GNB4: variants seen among roughly 807,000 people sequenced by gnomAD.
The protein encoded by GNB4 is G protein subunit beta 4, also known as guanine nucleotide-binding protein subunit beta-4.
A neutral mutation model predicts 45.2 loss-of-function variants in GNB4; 28 were observed. The observed-to-expected ratio is 0.62, with a 90% CI of 0.46 to 0.85. The LOEUF (loss-of-function observed/expected upper bound fraction) is 0.85. GNB4 is among the 40% of genes least tolerant of loss of function. The pLI is 0.00. For synonymous variants in GNB4, 132 were observed against 143.7 expected (o/e 0.92, Z 0.58); for missense variants, 321 against 425.4 (o/e 0.75, Z 2.16).
chr3:179,419,973 C>T (rs1714928227), intron 3 of GNB4, among the ~76,000 whole-genome samples: 1 of 151,742 alleles, frequency 6.6e-6, no homozygotes, highest in African/African-American at 2.4e-5. Context: ...AAATATTAGT[C>T]TTCTTGACCC....
At chr3:179,510,611 T>C in the GNB4 span, among the ~76,000 whole-genome samples, 167 of 152,066 alleles carry the variant, frequency 1.1e-3, no homozygotes, top group African/African-American at 3.9e-3. Flanking sequence ...TTTTTTTTTT[T>C]TTTACATTTC....
chr3:179,402,693 T>C (rs898678753), intron 9 of GNB4, among the ~76,000 whole-genome samples: 5 of 152,168 alleles, frequency 3.3e-5, no homozygotes, highest in Admixed American at 2.0e-4. Flanking sequence ...TCAAAATGAA[T>C]AGTAAGCCAA....
the GNB4 span, among the ~76,000 whole-genome samples, chr3:179,526,082 G>C: frequency 6.6e-6 from 1 of 152,204 alleles, no homozygotes; most frequent in African/African-American, 2.4e-5. Flanking sequence ...GATAGGGTGG[G>C]GCCGTTTTAT....
chr3:179,415,670 G>A (rs1233088652), intron 5 of GNB4, among the ~76,000 whole-genome samples: 2 of 152,082 alleles, frequency 1.3e-5, no homozygotes, highest in Non-Finnish European at 2.9e-5. Context: ...CGGCTAAACA[G>A]TCCATACAGG....
chr3:179,503,867 C>T, the GNB4 span, among the ~76,000 whole-genome samples: 2 of 152,296 alleles, frequency 1.3e-5, no homozygotes, highest in South Asian at 4.2e-4. Flanking sequence ...GATCTGTTTT[C>T]CATTTGCTCA....
intron 1 of GNB4, among the ~76,000 whole-genome samples, chr3:179,428,595 CCTA>C (rs1459841721): frequency 1.3e-5 from 2 of 152,294 alleles, no homozygotes; most frequent in East Asian, 1.9e-4. Context: ...TTACATCCCT[CCTA>C]CTAACTAAAA....
chr3:179,472,395 A>G, the GNB4 span, among the ~76,000 whole-genome samples: 1 of 127,146 alleles, frequency 7.9e-6, no homozygotes, highest in Non-Finnish European at 1.6e-5. Context: ...TTTAAGAGAC[A>G]GGGTCTTGCT....
chr3:179,494,102 A>T, the GNB4 span, among the ~76,000 whole-genome samples: 1 of 152,180 alleles, frequency 6.6e-6, no homozygotes, highest in East Asian at 1.9e-4. Flanking sequence ...ACTACCTTGG[A>T]GACCCACCTA....
chr3:179,489,014 A>T, the GNB4 span, among the ~76,000 whole-genome samples: 156 of 52,696 alleles, frequency 3.0e-3, 8 homozygotes, highest in Non-Finnish European at 4.1e-3. Context: ...AAAAAAAAAA[A>T]AAAAAATATA....
At chr3:179,482,309 G>A in the GNB4 span, among the ~76,000 whole-genome samples, 1 of 152,202 alleles carries the variant, frequency 6.6e-6, no homozygotes, top group South Asian at 2.1e-4. Context: ...AGAGAGGGAA[G>A]ATAGGCATAC....
the GNB4 span, among the ~76,000 whole-genome samples, chr3:179,466,262 C>G: frequency 6.6e-6 from 1 of 152,046 alleles, no homozygotes; most frequent in Non-Finnish European, 1.5e-5. Context: ...CCACCTACCT[C>G]GGCCTCCCAA....
chr3:179,451,804 C>G (rs1388592086), upstream of GNB4, among the ~76,000 whole-genome samples: 4 of 152,194 alleles, frequency 2.6e-5, no homozygotes, highest in East Asian at 5.8e-4. Context: ...TCCTTTCCGG[C>G]GCTGACAGGC....
intron 1 of GNB4, among the ~76,000 whole-genome samples, chr3:179,449,281 C>A (rs1715811449): frequency 1.3e-5 from 2 of 152,108 alleles, no homozygotes; most frequent in South Asian, 4.1e-4. Context: ...ATACACTGTG[C>A]CCTGGCAAAA....
intron 8 of GNB4, among the ~76,000 whole-genome samples, chr3:179,406,515 A>C (rs915852765): frequency 6.6e-6 from 1 of 152,068 alleles, no homozygotes; most frequent in Non-Finnish European, 1.5e-5. Context: ...CTTGGTTTTT[A>C]ATCTTTTATA....
chr3:179,436,541 C>G (rs1387822151), intron 1 of GNB4, among the ~76,000 whole-genome samples: 1 of 152,014 alleles, frequency 6.6e-6, no homozygotes, highest in East Asian at 1.9e-4. Flanking sequence ...ATTTCTTACA[C>G]TCCATAATTT....
the GNB4 span, among the ~76,000 whole-genome samples, chr3:179,468,838 TC>T: frequency 9.2e-5 from 14 of 152,212 alleles, no homozygotes; most frequent in Non-Finnish European, 2.1e-4. Flanking sequence ...TGGGTCTTTT[TC>T]CTGATACAGG....
At chr3:179,476,431 G>T in the GNB4 span, among the ~76,000 whole-genome samples, 1 of 152,202 alleles carries the variant, frequency 6.6e-6, no homozygotes, top group Non-Finnish European at 1.5e-5. Flanking sequence ...TTGGAGTCTT[G>T]TTCCTGCAGC....
chr3:179,431,830 A>C (rs1715319659), intron 1 of GNB4, among the ~76,000 whole-genome samples: 1 of 152,206 alleles, frequency 6.6e-6, no homozygotes, highest in Non-Finnish European at 1.5e-5. Context: ...CAGTGTGTTC[A>C]GCTGTTAACA....
chr3:179,452,237 T>G (rs1057117967), upstream of GNB4, among the ~76,000 whole-genome samples: 8 of 151,986 alleles, frequency 5.3e-5, no homozygotes, highest in African/African-American at 1.9e-4. Flanking sequence ...TTTTTCACAT[T>G]TATCTGGGTG....
Sources: allele counts gnomAD v4.1 joint callset (sites outside exome capture counted in the v4.1 genomes callset), GRCh38; gene constraint gnomAD v4.1.1; transcripts MANE v1.5; gene names NCBI Gene and HGNC (gene_info 2026-07-23, HGNC 2026-07-21).